The following SH3GL1 variants were observed in gnomAD, a reference collection of about 807,000 sequenced individuals.
The protein encoded by SH3GL1 is endophilin-A2.
SH3GL1 carries 21 observed loss-of-function variants against 48.8 expected under a neutral mutation model. The observed-to-expected ratio is 0.43, with a 90% CI of 0.30 to 0.62. SH3GL1 has a LOEUF of 0.62. Among genes scored for constraint, SH3GL1 ranks in the 20% least tolerant of loss-of-function variants. SH3GL1 has a pLI of 0.11. For missense variants in SH3GL1, 454 were observed against 503.0 expected, an observed-to-expected ratio of 0.90 and a Z score of 0.93; for synonymous variants, 282 against 217.5, an observed-to-expected ratio of 1.30 and a Z score of -2.61.
intron 1 of SH3GL1, among the ~76,000 whole-genome samples, chr19:4,374,804 C>G (rs1403759922): frequency 6.6e-6 from 1 of 152,192 alleles, no homozygotes; most frequent in Admixed American, 6.5e-5. Context: ...GCCGAGGACG[C>G]ACCCTGCCTG....
Position 4,400,393 on chromosome 19 carries a change from C to G in SH3GL1, c.-25G>C, listed in dbSNP as rs769852558. 3 of 1,572,232 alleles carry G rather than the reference C, an allele frequency of 1.9e-6. No homozygotes were observed. In the African/African-American group the frequency reaches 4.2e-5, roughly 22 times the overall value. Reference sequence around the variant, plus strand: ...TGCTGCCGCCCGCCGCCGAGCCTCCCGCCCGGACCGCGCCAGCGACAGGCT... The same window carrying G: ...TGCTGCCGCCCGCCGCCGAGCCTCCGGCCCGGACCGCGCCAGCGACAGGCT... On this transcript the variant is annotated 5_prime_UTR_variant, in exon 1 of 10. Transcript: ENST00000269886. This position sits in a 1 kb window ranked among gnomAD's most constrained non-coding sequence, Gnocchi z 4.1.
In SH3GL1 at chr19:4,361,835, G is replaced by A. The variant is rs199921584; in HGVS notation, c.911-39C>T. 1.8e-4 allele frequency: 252 copies of A among 1,404,568 alleles called. 3 individuals carry two copies. The East Asian group carries it at 4.9e-3, about 27-fold the overall frequency. 87.0% of individuals were successfully genotyped at this position (1,404,568 alleles called of 1,614,324 possible). ...CGGGCTGTGGGGCTGGGGCTGCTAC[G>A]CCTCACCCCGCCCAGTCTGGGGTCT... On this transcript the variant is annotated intron_variant, in intron 9 of 9. Coordinates refer to ENST00000269886, the MANE Select transcript of SH3GL1 (RefSeq NM_003025.4).
intron 1 of SH3GL1, among the ~76,000 whole-genome samples, chr19:4,392,630 T>C (rs556194858): frequency 1.3e-5 from 2 of 149,438 alleles, no homozygotes; most frequent in Non-Finnish European, 3.0e-5. Flanking sequence ...AAACCAAGAG[T>C]GGCCCCACAA....
chr19:4,362,849 T>G lies in SH3GL1; in HGVS notation c.729-113A>C, dbSNP rs987911920. ...GGCCTGGGACTGCAGGAAGAGGCCG[T>G]CAGTGGGGTTGTGACACATGGACCC... On this transcript the variant is annotated intron_variant, in intron 7 of 9. Coordinates refer to ENST00000269886, the MANE Select transcript of SH3GL1 (RefSeq NM_003025.4). 3.3e-5 allele frequency: 50 copies of G among 1,535,680 alleles called. 1 individual carries two copies. The highest frequency in any genetic ancestry group is 1.9e-4 in the South Asian group (17 of 88,962).
At chr19:4,383,632 A>C (rs1323839457) in intron 1 of SH3GL1, among the ~76,000 whole-genome samples, 1 of 152,140 alleles carries the variant, frequency 6.6e-6, no homozygotes, top group Non-Finnish European at 1.5e-5. Flanking sequence ...GCTCTCACAC[A>C]TGGTTTCTCT....
intron 7 of SH3GL1, 89 bp from the exon 8 acceptor site, chr19:4,362,825 G>A: frequency 6.3e-7 from 1 of 1,593,738 alleles, no homozygotes. Context: ...TAATGACCTG[G>A]CCTGGGACTG....
At chr19:4,365,822 G>C (rs1011383714) in intron 3 of SH3GL1, among the ~76,000 whole-genome samples, 197 bp from the exon 4 acceptor site, 3 of 152,204 alleles carry the variant, frequency 2.0e-5, no homozygotes, top group Non-Finnish European at 4.4e-5. Flanking sequence ...AGCGGGTGGA[G>C]AGGTGACCAA....
chr19:4,362,270 C>A, intron 9 of SH3GL1, 59 bp downstream of exon 9: 2 of 1,521,424 alleles, frequency 1.3e-6, no homozygotes, highest in South Asian at 2.3e-5. Flanking sequence ...AGGAGAAACA[C>A]CCTCCCCGAA....
rs375316890 is a variant in SH3GL1 at position 4,366,593 on chromosome 19, A to G, written c.115-20T>C. Reference sequence around the variant, plus strand: ...CACCTTCTGTGAAGAGAAGCAGCATATAAGACTCCACAGCCAGTGGGGGCC... The same window carrying G: ...CACCTTCTGTGAAGAGAAGCAGCATGTAAGACTCCACAGCCAGTGGGGGCC... On this transcript the variant is annotated intron_variant, in intron 2 of 9. Coordinates refer to ENST00000269886, the MANE Select transcript of SH3GL1 (RefSeq NM_003025.4). 68 of 1,607,100 alleles carry G rather than the reference A, an allele frequency of 4.2e-5. No homozygotes were observed. Among genetic ancestry groups the G allele is most frequent in the African/African-American group, 1.1e-4 (8 of 74,824 alleles).
intron 5 of SH3GL1, 22 bp from the exon 6 acceptor site, chr19:4,363,900 G>C: frequency 6.2e-7 from 1 of 1,611,684 alleles, no homozygotes; most frequent in Non-Finnish European, 8.5e-7. Flanking sequence ...GGGGACATGG[G>C]TCACACCAGT....
rs764774164 is a variant in SH3GL1, at chr19:4,363,734, G to A, written c.610C>T (p.Leu204Phe). 9.9e-6 allele frequency: 16 copies of A among 1,613,442 alleles called. No homozygotes were observed. The South Asian group carries it at 1.5e-4, about 16-fold the overall frequency. The change falls in exon 6 of 10, where the codon CTC (leucine) becomes TTC (phenylalanine). Residue 204 changes from leucine (L) to phenylalanine (F), a missense_variant. Leu to Phe is a conservative substitution (Grantham distance 22). Transcript: ENST00000269886. The part of the protein sequence containing the change: ...KEVAETSMHN[L>F]LETDIEQVSQ... The stretch of plus-strand genomic sequence containing the variant: ...GAGCTACTCACGTCAGTCTCCAGGA[G>A]GTTGTGCATGCTGGTTTCTGCCACC...
At chr19:4,386,046 G>A (rs1321456887) in intron 1 of SH3GL1, among the ~76,000 whole-genome samples, 1 of 152,246 alleles carries the variant, frequency 6.6e-6, no homozygotes, top group African/African-American at 2.4e-5. Context: ...AGGAGAGGAT[G>A]AAGATGATCT....
chr19:4,362,169 G>A (rs561771678), intron 9 of SH3GL1, among the ~76,000 whole-genome samples, 160 bp downstream of exon 9: 6 of 152,320 alleles, frequency 3.9e-5, no homozygotes, highest in Admixed American at 3.9e-4. Flanking sequence ...GACCCAGAGG[G>A]GTGGCATCTT....
intron 1 of SH3GL1, among the ~76,000 whole-genome samples, chr19:4,399,319 CAAAAAAA>C (rs58263818): frequency 2.0e-4 from 10 of 49,620 alleles, no homozygotes; most frequent in African/African-American, 3.5e-4. Flanking sequence ...GACTCCCTCT[CAAAAAAA>C]AAAAAAAAAA....
chr19:4,368,060 A>G (rs906543153), intron 1 of SH3GL1, among the ~76,000 whole-genome samples: 2 of 152,266 alleles, frequency 1.3e-5, no homozygotes, highest in Non-Finnish European at 1.5e-5. Flanking sequence ...CTCTGAAGTC[A>G]TCGGCAAATT....
At chr19:4,392,479 G>A (rs905834069) in intron 1 of SH3GL1, among the ~76,000 whole-genome samples, 1 of 149,960 alleles carries the variant, frequency 6.7e-6, no homozygotes, top group Non-Finnish European at 1.5e-5. Flanking sequence ...ACCTGAGATC[G>A]GCCCGCTGCA....
intron 1 of SH3GL1, among the ~76,000 whole-genome samples, chr19:4,382,503 T>C (rs1006829963): frequency 2.0e-5 from 3 of 151,924 alleles, no homozygotes; most frequent in Admixed American, 2.0e-4. Context: ...GTGATCCGCC[T>C]GCCTCGGCCT....
intron 1 of SH3GL1, among the ~76,000 whole-genome samples, chr19:4,374,934 A>G (rs1972977097): frequency 1.3e-5 from 2 of 152,172 alleles, no homozygotes; most frequent in African/African-American, 4.8e-5. Flanking sequence ...GGCAGAAGCC[A>G]TGGGCCACAC....
intron 1 of SH3GL1, among the ~76,000 whole-genome samples, chr19:4,371,434 G>A (rs104964): frequency 0.33 from 50,203 of 152,166 alleles, 8,839 homozygotes; most frequent in East Asian, 0.63. Context: ...GCCGATGGGC[G>A]GCCTTGGGAT....
Sources: gnomAD v4.1 joint callset for allele counts (sites outside exome capture counted in the v4.1 genomes callset) on GRCh38, gnomAD v4.1.1 for gene constraint, Gnocchi (gnomAD v3.1) non-coding constraint, MANE v1.5 for transcripts, NCBI Gene and HGNC (gene_info 2026-07-23, HGNC 2026-07-21) for gene names.